NALF1: variants seen among roughly 807,000 people sequenced by gnomAD.
NALF1 encodes family with sequence similarity 155 member A.
NALF1 carries 3 observed loss-of-function variants against 48.4 expected under a neutral mutation model. The observed-to-expected ratio is 0.06, with a 90% CI of 0.03 to 0.16. NALF1 has a LOEUF of 0.16. Among genes scored for constraint, NALF1 ranks in the 10% least tolerant of loss-of-function variants. NALF1 has a pLI of 1.00. For missense variants in NALF1, 526 were observed against 571.5 expected, an observed-to-expected ratio of 0.92 and a Z score of 0.81; for synonymous variants, 262 against 245.7, an observed-to-expected ratio of 1.07 and a Z score of -0.62.
intron 1 of NALF1, among the ~76,000 whole-genome samples, chr13:107,750,226 C>T (rs997009423): frequency 7.9e-5 from 12 of 152,090 alleles, no homozygotes; most frequent in African/African-American, 2.9e-4. Context: ...TCAGTGTGTC[C>T]CCTGCACCTC....
At chr13:107,262,769 G>GCT (rs1555329321) in intron 1 of NALF1, among the ~76,000 whole-genome samples, 34,407 of 143,788 alleles carry the variant, frequency 0.24, 4,870 homozygotes, top group East Asian at 0.51. Context: ...ACCCACAGGC[G>GCT]CTCTCTCTCT....
chr13:107,252,757 C>T (rs1264487135), intron 1 of NALF1, among the ~76,000 whole-genome samples: 1 of 152,154 alleles, frequency 6.6e-6, no homozygotes, highest in African/African-American at 2.4e-5. Context: ...CCACTTTAAA[C>T]AATATAAACA....
chr13:107,365,461 C>T (rs1722977539), intron 1 of NALF1, among the ~76,000 whole-genome samples: 4 of 152,140 alleles, frequency 2.6e-5, no homozygotes, highest in Admixed American at 2.6e-4. Flanking sequence ...GTCCTTCCTT[C>T]ACTTTAGGGC....
At chr13:107,803,896 A>T (rs1878694119) in intron 1 of NALF1, among the ~76,000 whole-genome samples, 1 of 152,186 alleles carries the variant, frequency 6.6e-6, no homozygotes, top group Non-Finnish European at 1.5e-5. Context: ...ACTGGCTCCC[A>T]GAGTCAGTCC....
chr13:107,670,775 G>A lies in NALF1; in HGVS notation c.915+194907C>T, dbSNP rs550107380. Among the ~76,000 whole-genome samples, 10 of 152,194 alleles carry A rather than the reference G, an allele frequency of 6.6e-5. No individual in the cohort carries two copies. The South Asian group carries it at 1.7e-3, about 25-fold the overall frequency. The stretch of plus-strand genomic sequence containing the variant: ...GATTACAGCCTAAAAACCCTAAGAC[G>A]TTTTCTGAAAATTATTGTTAAGCAA... On this transcript the variant is annotated intron_variant, in intron 1 of 2. Coordinates refer to ENST00000375915, the MANE Select transcript of NALF1 (RefSeq NM_001080396.3).
At chr13:107,398,717 A>C (rs1883754998) in intron 1 of NALF1, among the ~76,000 whole-genome samples, 1 of 152,222 alleles carries the variant, frequency 6.6e-6, no homozygotes. Flanking sequence ...AACACACAGC[A>C]CAATGACTGG....
chr13:107,860,496 C>T lies in NALF1; in HGVS notation c.915+5186G>A, dbSNP rs542319009. On this transcript the variant is annotated intron_variant, in intron 1 of 2. Transcript: ENST00000375915. Reference sequence around the variant, plus strand: ...GCCCAGACCCATGACACCGGCAGGACGATAAAATCAGAATCTCTTAGGGTT... The same window carrying T: ...GCCCAGACCCATGACACCGGCAGGATGATAAAATCAGAATCTCTTAGGGTT... 1.1e-4 allele frequency among the ~76,000 whole-genome samples: 17 copies of T among 152,218 alleles called. No individual in the cohort carries two copies. The East Asian group carries it at 2.5e-3, about 22-fold the overall frequency.
At chr13:107,317,304 C>A (rs1040346329) in intron 1 of NALF1, among the ~76,000 whole-genome samples, 6 of 152,004 alleles carry the variant, frequency 3.9e-5, no homozygotes, top group Non-Finnish European at 7.4e-5. Context: ...TTTTAATACA[C>A]GTTTAATAAA....
chr13:107,515,533 G>A (rs1216984381), intron 1 of NALF1, among the ~76,000 whole-genome samples: 2 of 152,208 alleles, frequency 1.3e-5, no homozygotes, highest in Non-Finnish European at 2.9e-5. Context: ...ATAGTTTCAT[G>A]AGGAATAAAC....
At chr13:107,676,311 G>T (rs2138490402) in intron 1 of NALF1, among the ~76,000 whole-genome samples, 1 of 152,324 alleles carries the variant, frequency 6.6e-6, no homozygotes, top group South Asian at 2.1e-4. Flanking sequence ...CAATGGGGCA[G>T]TCAGCATTCT....
At chr13:107,193,284 C>T (rs1037800738) in intron 2 of NALF1, among the ~76,000 whole-genome samples, 4 of 152,132 alleles carry the variant, frequency 2.6e-5, no homozygotes, top group South Asian at 2.1e-4. Context: ...GTGAACAAAA[C>T]GGCTAGAATT....
At chr13:107,604,640 G>A (rs1879016641) in intron 1 of NALF1, among the ~76,000 whole-genome samples, 1 of 152,098 alleles carries the variant, frequency 6.6e-6, no homozygotes, top group Non-Finnish European at 1.5e-5. Context: ...AAAGAAGAGG[G>A]AGAATATGGC....
chr13:107,722,507 G>A (rs577854678), intron 1 of NALF1, among the ~76,000 whole-genome samples: 1 of 152,286 alleles, frequency 6.6e-6, no homozygotes, highest in Non-Finnish European at 1.5e-5. Flanking sequence ...GCACAGGAAT[G>A]GAAGCAGTGC....
intron 1 of NALF1, among the ~76,000 whole-genome samples, chr13:107,721,986 C>A (rs917565200): frequency 3.9e-5 from 6 of 152,158 alleles, no homozygotes; most frequent in African/African-American, 1.2e-4. Flanking sequence ...GGGTTCCCCC[C>A]CTCTTGCCTT....
intron 1 of NALF1, among the ~76,000 whole-genome samples, chr13:107,334,126 G>A (rs1882515279): frequency 6.6e-6 from 1 of 152,144 alleles, no homozygotes; most frequent in South Asian, 2.1e-4. Context: ...TTATAATTCA[G>A]TTGCTGTGAT....
At chr13:107,318,080 C>T (rs186285948) in intron 1 of NALF1, among the ~76,000 whole-genome samples, 2 of 151,946 alleles carry the variant, frequency 1.3e-5, no homozygotes, top group African/African-American at 2.4e-5. Context: ...TAAGGAGATA[C>T]GACTGAGCAT....
intron 1 of NALF1, among the ~76,000 whole-genome samples, chr13:107,697,574 TTG>T (rs1354140043): frequency 1.3e-5 from 2 of 152,122 alleles, no homozygotes; most frequent in Non-Finnish European, 2.9e-5. Context: ...TAATTAAAAG[TTG>T]TGTCTTTTGT....
chr13:107,430,208 G>A (rs1884352509), intron 1 of NALF1, among the ~76,000 whole-genome samples: 1 of 151,924 alleles, frequency 6.6e-6, no homozygotes, highest in Non-Finnish European at 1.5e-5. Flanking sequence ...ATATAATAGT[G>A]AAAAAGGCAG....
intron 1 of NALF1, among the ~76,000 whole-genome samples, chr13:107,402,336 G>A (rs539911357): frequency 8.5e-5 from 13 of 152,182 alleles, no homozygotes; most frequent in African/African-American, 3.1e-4. Flanking sequence ...AGCAACCACA[G>A]AGCTTGGGAA....
Sources: allele counts gnomAD v4.1 joint callset (sites outside exome capture counted in the v4.1 genomes callset), GRCh38; gene constraint gnomAD v4.1.1; transcripts MANE v1.5; gene names NCBI Gene and HGNC (gene_info 2026-07-23, HGNC 2026-07-21).